Variants in TANGO6 observed in about 807,000 individuals in gnomAD.
TANGO6 encodes the protein transport and Golgi organization protein 6 homolog.
TANGO6 carries 90 observed loss-of-function variants against 114.2 expected under a neutral mutation model. The observed-to-expected ratio is 0.79, with a 90% CI of 0.66 to 0.94. The LOEUF (loss-of-function observed/expected upper bound fraction) is 0.94. TANGO6 is among the 40% of genes least tolerant of loss of function. The pLI is 0.00. For missense variants in TANGO6, 1,274 were observed against 1,315.3 expected, an observed-to-expected ratio of 0.97 and a Z score of 0.49; for synonymous variants, 477 against 509.8, an observed-to-expected ratio of 0.94 and a Z score of 0.87.
At chr16:69,043,516 G>A (rs557671380) in intron 17 of TANGO6, among the ~76,000 whole-genome samples, 2 of 152,214 alleles carry the variant, frequency 1.3e-5, no homozygotes, top group South Asian at 2.1e-4. Flanking sequence ...TCTCCAAACT[G>A]TCTCTAGTCT....
At chr16:68,888,698 C>T (rs933187550) in intron 7 of TANGO6, among the ~76,000 whole-genome samples, 1 of 152,128 alleles carries the variant, frequency 6.6e-6, no homozygotes, top group Admixed American at 6.6e-5. Context: ...GGATATTTGA[C>T]TCCTCTTTCT....
At chr16:69,027,286 T>A (rs1236319527) in intron 16 of TANGO6, among the ~76,000 whole-genome samples, 1 of 152,226 alleles carries the variant, frequency 6.6e-6, no homozygotes, top group African/African-American at 2.4e-5. Flanking sequence ...TCATATATTT[T>A]GCTTTATTTG....
chr16:69,055,894 C>T (rs1260299573), intron 17 of TANGO6, among the ~76,000 whole-genome samples: 1 of 151,994 alleles, frequency 6.6e-6, no homozygotes, highest in African/African-American at 2.4e-5. Flanking sequence ...AAAAAATTAG[C>T]CGGGAGTGGT....
chr16:68,889,395 C>A (rs543610923), intron 7 of TANGO6, among the ~76,000 whole-genome samples: 1 of 152,300 alleles, frequency 6.6e-6, no homozygotes, highest in Non-Finnish European at 1.5e-5. Context: ...TGTTCCAAAT[C>A]ATACAGCTGG....
At chr16:69,072,349 C>T (rs777034771) in intron 17 of TANGO6, among the ~76,000 whole-genome samples, 8 of 152,134 alleles carry the variant, frequency 5.3e-5, no homozygotes, top group Non-Finnish European at 1.2e-4. Context: ...ACCCAGCCTA[C>T]TCACAGCCAT....
At chr16:69,036,287 T>C (rs1300638212) in intron 16 of TANGO6, among the ~76,000 whole-genome samples, 1 of 152,154 alleles carries the variant, frequency 6.6e-6, no homozygotes, top group Non-Finnish European at 1.5e-5. Context: ...GTCTGTCCCA[T>C]TGGTCTGCTG....
intron 14 of TANGO6, among the ~76,000 whole-genome samples, chr16:68,956,222 A>T (rs1963528856): frequency 6.6e-6 from 1 of 152,198 alleles, no homozygotes; most frequent in Non-Finnish European, 1.5e-5. Flanking sequence ...AAAAGCATTA[A>T]AGAGCTCATA....
At chr16:68,898,966 T>TATTATTATC (rs1432446148) in intron 7 of TANGO6, among the ~76,000 whole-genome samples, 1 of 150,180 alleles carries the variant, frequency 6.7e-6, no homozygotes, top group African/African-American at 2.4e-5. Flanking sequence ...TTATTATTAT[T>TATTATTATC]ATTATTATTA....
At chr16:69,035,991 T>A (rs1002415542) in intron 16 of TANGO6, 2 of 145,806 alleles carry the variant, frequency 1.4e-5, no homozygotes, top group African/African-American at 5.1e-5. Context: ...TGCGGTAAGC[T>A]GCGAGCATGC....
chr16:69,052,643 C>A (rs1444541867), intron 17 of TANGO6, among the ~76,000 whole-genome samples: 1 of 152,024 alleles, frequency 6.6e-6, no homozygotes, highest in African/African-American at 2.4e-5. Flanking sequence ...GGTGGAAAAA[C>A]TGGCCTATGT....
intron 15 of TANGO6, among the ~76,000 whole-genome samples, chr16:69,006,633 C>T (rs757914554): frequency 8.6e-5 from 13 of 152,040 alleles, no homozygotes; most frequent in Non-Finnish European, 1.6e-4. Context: ...CGCCTGTAAT[C>T]CCATCTACTC....
chr16:69,034,436 G>A (rs1315128675), intron 16 of TANGO6: 1 of 156,922 alleles, frequency 6.4e-6, no homozygotes, highest in East Asian at 1.8e-4. Context: ...TATTCACCAA[G>A]CCTCCCTGTG....
chr16:68,930,841 TAGTC>T (rs1963230153), intron 14 of TANGO6, among the ~76,000 whole-genome samples: 1 of 152,006 alleles, frequency 6.6e-6, no homozygotes, highest in Non-Finnish European at 1.5e-5. Flanking sequence ...TTCACCATGT[TAGTC>T]AGGCTGGACT....
chr16:68,857,178 G>A (rs1335920958), intron 1 of TANGO6, among the ~76,000 whole-genome samples: 1 of 152,044 alleles, frequency 6.6e-6, no homozygotes, highest in Non-Finnish European at 1.5e-5. Flanking sequence ...TGATCTCTTG[G>A]CTACTCCTGA....
intron 14 of TANGO6, among the ~76,000 whole-genome samples, chr16:68,959,384 C>T (rs1467444467): frequency 1.3e-5 from 2 of 152,074 alleles, no homozygotes; most frequent in African/African-American, 4.8e-5. Context: ...GTCAGGAGTT[C>T]GAGACCAGCC....
At chr16:68,980,442 T>A (rs1308247400) in intron 15 of TANGO6, among the ~76,000 whole-genome samples, 19 of 137,106 alleles carry the variant, frequency 1.4e-4, no homozygotes, top group Admixed American at 6.0e-4. Context: ...TATATTTTTT[T>A]TTTTTTTTTT....
intron 17 of TANGO6, among the ~76,000 whole-genome samples, chr16:69,063,796 C>CTTCTTCTTT (rs1960168940): frequency 8.3e-6 from 1 of 120,702 alleles, no homozygotes; most frequent in South Asian, 2.5e-4. Context: ...TCTTCTTCTT[C>CTTCTTCTTT]TTCTTCTTCT....
At chr16:69,020,313 C>T (rs1959378732) in intron 15 of TANGO6, among the ~76,000 whole-genome samples, 1 of 152,118 alleles carries the variant, frequency 6.6e-6, no homozygotes, top group African/African-American at 2.4e-5. Context: ...CAGCTCATGA[C>T]TGTATATGCA....
At chr16:69,070,645 A>C (rs1277608773) in intron 17 of TANGO6, among the ~76,000 whole-genome samples, 3 of 150,098 alleles carry the variant, frequency 2.0e-5, no homozygotes, top group African/African-American at 7.3e-5. Flanking sequence ...AAAAAAAAAA[A>C]ACAAAAAAAC....
Sources: allele counts gnomAD v4.1 joint callset (sites outside exome capture counted in the v4.1 genomes callset), GRCh38; gene constraint gnomAD v4.1.1; transcripts MANE v1.5; gene names NCBI Gene and HGNC (gene_info 2026-07-23, HGNC 2026-07-21).